Variants in DNAH9 observed in about 807,000 individuals in gnomAD.
DNAH9 encodes the protein DNAH9 variant protein.
In DNAH9, 345 loss-of-function variants were observed where a neutral mutation model predicts 471.6. The ratio of observed to expected loss-of-function variants is 0.73; its 90% CI spans 0.67 to 0.80. The LOEUF is 0.80. DNAH9 is among the 30% of genes least tolerant of loss of function. The probability of loss-of-function intolerance (pLI) is 0.00; values close to 1 mark genes in which losing one functional copy is unlikely to be tolerated. For missense variants in DNAH9, 5,407 were observed against 5,609.2 expected, an observed-to-expected ratio of 0.96 and a Z score of 1.15; for synonymous variants, 2,093 against 2,123.6, an observed-to-expected ratio of 0.99 and a Z score of 0.40.
At chr17:11,946,656 T>TC (rs1291463649) in intron 67 of DNAH9, among the ~76,000 whole-genome samples, 3 of 99,640 alleles carry the variant, frequency 3.0e-5, no homozygotes, top group Non-Finnish European at 5.6e-5. Flanking sequence ...AGAGCAAGAC[T>TC]CCATCTCAAA....
intron 59 of DNAH9, among the ~76,000 whole-genome samples, chr17:11,895,296 ACTCCATGCAGGCAGTT>A (rs747306985): frequency 6.6e-6 from 1 of 152,088 alleles, no homozygotes; most frequent in Non-Finnish European, 1.5e-5. Flanking sequence ...CCAGGCCTGC[ACTCCATGCAGGCAGTT>A]GAGTGAACAC....
chr17:11,660,512 G>A (rs2073740489), intron 14 of DNAH9, among the ~76,000 whole-genome samples: 1 of 151,880 alleles, frequency 6.6e-6, no homozygotes, highest in Non-Finnish European at 1.5e-5. Flanking sequence ...TAGTAGAGAT[G>A]AGGTTTTGCC....
At chr17:11,836,615 T>G (rs1970857779) in intron 49 of DNAH9, among the ~76,000 whole-genome samples, 1 of 152,176 alleles carries the variant, frequency 6.6e-6, no homozygotes, top group Non-Finnish European at 1.5e-5. Context: ...AGCAACACTC[T>G]GCTCACCTGT....
Position 11,871,695 on chromosome 17 carries a change from C to G in DNAH9, c.10151C>G (p.Thr3384Arg). The G allele has an allele frequency of 6.2e-7, 1 of 1,614,200 alleles. No homozygotes were observed. The change falls in exon 52 of 69, where the codon ACG becomes AGG. Residue 3384 changes from threonine to arginine, a missense_variant. By Grantham distance (71) the Thr-to-Arg change is moderately conservative (BLOSUM62 -1). This residue lies in a region of DNAH9 where 4,636 missense variants were observed against 4,900.3 expected (regional missense o/e 0.95). Coordinates refer to ENST00000262442, the MANE Select transcript of DNAH9 (RefSeq NM_001372.4). ...RTLCGDILLI[T>R]AFISYLGFFT... is the part of the protein sequence containing the mutation. ...TTATGTGGAGACATTTTACTTATAA[C>G]GGCTTTCATTTCCTACCTTGGCTTC... is the stretch of plus-strand genomic sequence containing the variant.
At chr17:11,884,722 A>G (rs1357878878) in intron 56 of DNAH9, 1 of 364,514 alleles carries the variant, frequency 2.7e-6, no homozygotes, top group Non-Finnish European at 5.6e-6. Flanking sequence ...AACAGCAGGG[A>G]TGTGACCACC....
chr17:11,954,725 ACAC>A (rs1455419289), intron 67 of DNAH9, among the ~76,000 whole-genome samples: 2 of 150,580 alleles, frequency 1.3e-5, no homozygotes, highest in Non-Finnish European at 3.0e-5. Flanking sequence ...AGCCGAGATC[ACAC>A]CACTGCACTC....
intron 64 of DNAH9, among the ~76,000 whole-genome samples, chr17:11,933,388 C>CT (rs950420811): frequency 4.0e-5 from 6 of 149,052 alleles, no homozygotes; most frequent in South Asian, 4.3e-4. Context: ...TTTTTTTCTT[C>CT]TTTTTTTTTG....
intron 49 of DNAH9, among the ~76,000 whole-genome samples, chr17:11,852,677 G>A (rs1009861816): frequency 2.0e-5 from 3 of 151,678 alleles, no homozygotes; most frequent in African/African-American, 7.3e-5. Context: ...AATGCAATGA[G>A]TTGGGAGGGT....
chr17:11,863,463 G>C (rs1370846738), intron 50 of DNAH9, among the ~76,000 whole-genome samples: 2 of 152,184 alleles, frequency 1.3e-5, no homozygotes, highest in Non-Finnish European at 2.9e-5. Flanking sequence ...GTTCATCAAG[G>C]ATATTGGTCT....
chr17:11,880,259 A>C, intron 54 of DNAH9, 59 bp downstream of exon 54: 1 of 1,592,524 alleles, frequency 6.3e-7, no homozygotes, highest in African/African-American at 1.3e-5. Flanking sequence ...CCCTGGTTAG[A>C]ATCATGAAGA....
At chr17:11,680,188 G>C (rs1275859371) in intron 18 of DNAH9, among the ~76,000 whole-genome samples, 1 of 151,934 alleles carries the variant, frequency 6.6e-6, no homozygotes, top group East Asian at 1.9e-4. Flanking sequence ...GAGATAGATG[G>C]GAGAATTAAG....
intron 6 of DNAH9, among the ~76,000 whole-genome samples, chr17:11,627,663 C>T (rs752290725): frequency 2.6e-5 from 4 of 152,170 alleles, no homozygotes; most frequent in Non-Finnish European, 5.9e-5. Flanking sequence ...CCATTAGTGG[C>T]AAAAGTCCCT....
chr17:11,692,749 C>A (rs1444762241), intron 20 of DNAH9, among the ~76,000 whole-genome samples: 2 of 151,666 alleles, frequency 1.3e-5, no homozygotes, highest in African/African-American at 4.8e-5. Context: ...CATGTGATAT[C>A]ATAATAAATT....
At chr17:11,742,149 T>C in intron 29 of DNAH9, 26 bp from the exon 30 acceptor site, 2 of 1,612,774 alleles carry the variant, frequency 1.2e-6, no homozygotes, top group Non-Finnish European at 1.7e-6. Context: ...GGAAACTGAC[T>C]GGGCCTTCTG....
At chr17:11,698,213 AAT>A (rs368732915) in intron 22 of DNAH9, among the ~76,000 whole-genome samples, 1 of 24,062 alleles carries the variant, frequency 4.2e-5, no homozygotes, top group Non-Finnish European at 1.1e-4. Context: ...TTAATAATAT[AAT>A]TATATTAATA....
intron 50 of DNAH9, among the ~76,000 whole-genome samples, chr17:11,855,964 G>C (rs904470023): frequency 1.3e-5 from 2 of 152,108 alleles, no homozygotes; most frequent in Non-Finnish European, 2.9e-5. Context: ...GAGAATTAAA[G>C]GATGTGATGT....
chr17:11,816,821 G>A (rs1349056664), intron 45 of DNAH9, among the ~76,000 whole-genome samples: 3 of 152,160 alleles, frequency 2.0e-5, no homozygotes, highest in Non-Finnish European at 4.4e-5. Context: ...CTAACTCCAA[G>A]TACTGCATGA....
At chr17:11,852,814 GTATATATATATATA>G (rs58555259) in intron 49 of DNAH9, among the ~76,000 whole-genome samples, 1,364 of 92,686 alleles carry the variant, frequency 0.015, 73 homozygotes, top group African/African-American at 0.032. Context: ...GTGTGTGTGT[GTATATATATATATA>G]TATATATATA....
intron 1 of DNAH9, among the ~76,000 whole-genome samples, chr17:11,600,062 A>G (rs1247183959): frequency 6.6e-6 from 1 of 152,148 alleles, no homozygotes; most frequent in East Asian, 1.9e-4. Context: ...TGAAAATTCC[A>G]GGGAAAGGGT....
Sources: allele counts gnomAD v4.1 joint callset (sites outside exome capture counted in the v4.1 genomes callset), GRCh38; gene constraint gnomAD v4.1.1; regional missense constraint gnomAD v4.1.1; transcripts MANE v1.5; gene names NCBI Gene and HGNC (gene_info 2026-07-23, HGNC 2026-07-21).